The following ZNF469 variants were observed in gnomAD, a reference collection of about 807,000 sequenced individuals.
ZNF469 encodes zinc finger protein 469.
Under a neutral mutation model 1.0 loss-of-function variants are expected in ZNF469, and 1 was observed. The observed-to-expected ratio is 1.00, with a 90% CI of 0.35 to 4.73. ZNF469 has a LOEUF of 4.73. ZNF469 is among the 30% of genes most tolerant of loss of function. ZNF469 has a pLI of 0.16. For synonymous variants in ZNF469, 2,703 were observed against 2,363.4 expected (o/e 1.14, Z -4.17); for missense variants, 6,100 against 5,356.3 (o/e 1.14, Z -4.33).
At chr16:88,138,561 T>C in the ZNF469 span, among the ~76,000 whole-genome samples, 84,646 of 152,104 alleles carry the variant, frequency 0.56, 28,058 homozygotes, top group Non-Finnish European at 0.76. Flanking sequence ...TTAGTAAACT[T>C]TATGTGGCAG....
At chr16:88,348,367 T>C in the ZNF469 span, among the ~76,000 whole-genome samples, 1 of 152,096 alleles carries the variant, frequency 6.6e-6, no homozygotes, top group African/African-American at 2.4e-5. Context: ...CATCATAAGA[T>C]TCAGGGCCCC....
the ZNF469 span, among the ~76,000 whole-genome samples, chr16:88,151,521 A>G: frequency 2.0e-5 from 3 of 152,248 alleles, no homozygotes; most frequent in Non-Finnish European, 4.4e-5. This position sits in a 1 kb window ranked among gnomAD's most constrained non-coding sequence, Gnocchi z 5.4. Context: ...ACAGATGCGC[A>G]GGGCTCTGGG....
chr16:88,193,132 A>G, the ZNF469 span, among the ~76,000 whole-genome samples: 768 of 14,356 alleles, frequency 0.053, 84 homozygotes, highest in South Asian at 0.1. Context: ...GGTGGTGGTG[A>G]TGGTGGTGAT....
the ZNF469 span, among the ~76,000 whole-genome samples, chr16:88,250,307 C>G: frequency 6.6e-6 from 1 of 152,176 alleles, no homozygotes; most frequent in Non-Finnish European, 1.5e-5. Flanking sequence ...AATCATATCA[C>G]GTTATTCCTG....
At chr16:88,325,159 A>G in the ZNF469 span, among the ~76,000 whole-genome samples, 66 of 110,540 alleles carry the variant, frequency 6.0e-4, 9 homozygotes, top group African/African-American at 2.3e-3. Flanking sequence ...AGCAGCTGCG[A>G]CATACACAGG....
In ZNF469 at chr16:88,383,068, T is replaced by A. The variant is rs906901837; in HGVS notation, c.-378T>A. On this transcript the variant is annotated 5_prime_UTR_variant, in exon 1 of 3. Transcript: ENST00000565624. Reference sequence around the variant, plus strand: ...CCTGGGCAGGGTGGCGGCTGCTCCCTCTCCTCCCACCCCGCCCCGAGGCGC... The same window carrying A: ...CCTGGGCAGGGTGGCGGCTGCTCCCACTCCTCCCACCCCGCCCCGAGGCGC... 2.7e-5 allele frequency among the ~76,000 whole-genome samples: 4 copies of A among 150,778 alleles called. No individual in the cohort carries two copies. Among genetic ancestry groups the A allele is most frequent in the African/African-American group, 9.7e-5 (4 of 41,172 alleles).
chr16:88,418,780 T>C (rs752311973), intron 1 of ZNF469, among the ~76,000 whole-genome samples: 11 of 152,214 alleles, frequency 7.2e-5, no homozygotes, highest in Non-Finnish European at 1.0e-4. Context: ...ATCTCAGATA[T>C]AATTTTACCT....
chr16:88,148,556 C>A, the ZNF469 span, among the ~76,000 whole-genome samples: 1 of 152,310 alleles, frequency 6.6e-6, no homozygotes, highest in South Asian at 2.1e-4. Context: ...CTGTGAATTG[C>A]AGCTCCTTTG....
the ZNF469 span, among the ~76,000 whole-genome samples, chr16:88,168,024 G>A: frequency 1.2e-4 from 19 of 152,340 alleles, no homozygotes; most frequent in African/African-American, 4.1e-4. The surrounding 1 kb of genome is among the most constrained non-coding windows in gnomAD (Gnocchi z 4.3). Context: ...CCCGCTTCGC[G>A]ATGAACCCCA....
the ZNF469 span, among the ~76,000 whole-genome samples, chr16:88,222,238 A>G: frequency 6.6e-6 from 1 of 152,104 alleles, no homozygotes; most frequent in Non-Finnish European, 1.5e-5. Context: ...ACACCCACTA[A>G]TTGATTCCCA....
the ZNF469 span, among the ~76,000 whole-genome samples, chr16:88,174,785 C>G: frequency 1.3e-5 from 2 of 151,668 alleles, no homozygotes; most frequent in South Asian, 4.2e-4. Context: ...ATATAATACA[C>G]ATACAAAATA....
chr16:88,422,727 A>G, intron 1 of ZNF469, among the ~76,000 whole-genome samples: 1 of 143,100 alleles, frequency 7.0e-6, no homozygotes, highest in Admixed American at 6.9e-5. Flanking sequence ...GGATGGATGG[A>G]TAATGATGAT....
At chr16:88,305,556 CCTCACACGTGCACACACG>C in the ZNF469 span, among the ~76,000 whole-genome samples, 2 of 121,196 alleles carry the variant, frequency 1.7e-5, no homozygotes, top group African/African-American at 6.4e-5. Context: ...GTGTGCACAC[CCTCACACGTGCACACACG>C]CTCACAGGCA....
the ZNF469 span, among the ~76,000 whole-genome samples, chr16:88,193,091 T>G: frequency 3.0e-5 from 4 of 134,642 alleles, no homozygotes; most frequent in Non-Finnish European, 3.2e-5. Flanking sequence ...ATGGTGGTGG[T>G]GATGGTGTTG....
chr16:88,272,773 G>T, the ZNF469 span, among the ~76,000 whole-genome samples: 2 of 151,172 alleles, frequency 1.3e-5, no homozygotes, highest in African/African-American at 4.9e-5. Flanking sequence ...TAGACGAGTG[G>T]ACAGGTGGAT....
chr16:88,219,745 C>A, the ZNF469 span, among the ~76,000 whole-genome samples: 1 of 152,186 alleles, frequency 6.6e-6, no homozygotes, highest in Non-Finnish European at 1.5e-5. Context: ...TCCATATATC[C>A]CATTTCCACA....
chr16:88,394,970 C>T (rs143845532), intron 1 of ZNF469, among the ~76,000 whole-genome samples: 73 of 152,326 alleles, frequency 4.8e-4, no homozygotes, highest in South Asian at 1.9e-3. Context: ...CCAACAACAG[C>T]GTTGCCCCCA....
intron 1 of ZNF469, among the ~76,000 whole-genome samples, chr16:88,409,564 G>C (rs921862340): frequency 4.6e-5 from 7 of 152,296 alleles, no homozygotes; most frequent in Admixed American, 3.9e-4. Flanking sequence ...GGGGCCAGCC[G>C]GGGAGGGGTC....
chr16:88,395,865 G>T (rs1904644179), intron 1 of ZNF469, among the ~76,000 whole-genome samples: 1 of 152,174 alleles, frequency 6.6e-6, no homozygotes, highest in Non-Finnish European at 1.5e-5. Context: ...ATGGATCAAA[G>T]GCCATGCTGT....
Sources: allele counts gnomAD v4.1 joint callset (sites outside exome capture counted in the v4.1 genomes callset), GRCh38; gene constraint gnomAD v4.1.1; non-coding constraint Gnocchi (gnomAD v3.1); transcripts MANE v1.5; gene names NCBI Gene and HGNC (gene_info 2026-07-23, HGNC 2026-07-21).